FHIP1B: variants seen among roughly 807,000 people sequenced by gnomAD.
FHIP1B encodes FHF complex subunit HOOK interacting protein 1B, also known as FHF complex subunit HOOK-interacting protein 1B.
FHIP1B carries 28 observed loss-of-function variants against 82.2 expected under a neutral mutation model. The ratio of observed to expected loss-of-function variants is 0.34; its 90% CI spans 0.25 to 0.47. The LOEUF is 0.47. FHIP1B is among the 20% of genes least tolerant of loss of function. The pLI is 1.00. For missense variants in FHIP1B, 1,110 were observed against 1,262.6 expected (o/e 0.88, Z 1.83); for synonymous variants, 585 against 516.1 (o/e 1.13, Z -1.81).
chr11:6,217,842 A>G lies in FHIP1B; in HGVS notation c.1744T>C (p.Ser582Pro). 1 of 1,613,738 alleles carries G rather than the reference A, an allele frequency of 6.2e-7. No individual in the cohort carries two copies. The highest frequency in any genetic ancestry group is 8.5e-7 in the Non-Finnish European group (1 of 1,179,966). Residue 582 changes from serine (S) to proline (P), a missense_variant, in exon 9 of 12, where the codon TCT becomes CCT. Transcript: ENST00000449352. ...GAGCCAAAAGGACTGGGCTCAGGAG[A>G]GGGCCGCTCGCCATCATAGGGGGCA... ...WSAPYDGERP[S>P]PEPSPFGSRT...
intron 11 of FHIP1B, 38 bp from the exon 12 acceptor site, chr11:6,211,905 C>A: frequency 6.6e-7 from 1 of 1,514,816 alleles, no homozygotes; most frequent in Non-Finnish European, 8.8e-7. Flanking sequence ...GTGCTGGGAT[C>A]AGGGAACCTC....
At chr11:6,211,930 G>C in intron 11 of FHIP1B, 63 bp from the exon 12 acceptor site, 1 of 1,483,902 alleles carries the variant, frequency 6.7e-7, no homozygotes, top group Non-Finnish European at 8.9e-7. Context: ...GGACTGAGAG[G>C]GGAGATTCCC....
chr11:6,212,769 C>T (rs1847108648), intron 11 of FHIP1B, among the ~76,000 whole-genome samples: 1 of 152,200 alleles, frequency 6.6e-6, no homozygotes, highest in African/African-American at 2.4e-5. Flanking sequence ...CAATCAGGCT[C>T]ACACTCCTCC....
At chr11:6,229,940 C>A (rs1018665953) in intron 1 of FHIP1B, among the ~76,000 whole-genome samples, 1 of 151,786 alleles carries the variant, frequency 6.6e-6, no homozygotes, top group Non-Finnish European at 1.5e-5. Context: ...AAAATCACCA[C>A]CCTCTCATGG....
intron 9 of FHIP1B, chr11:6,217,006 C>T (rs78146646): frequency 2.4e-4 from 159 of 675,620 alleles, no homozygotes; most frequent in African/African-American, 2.0e-3. Flanking sequence ...ACAGCACATA[C>T]GTCTTCAATA....
At chr11:6,228,867 A>T (rs572621946) in intron 1 of FHIP1B, among the ~76,000 whole-genome samples, 1 of 152,344 alleles carries the variant, frequency 6.6e-6, no homozygotes, top group South Asian at 2.1e-4. Flanking sequence ...TATGGTCCCA[A>T]TTAGGCATGG....
At position 6,217,684 on chromosome 11, in the gene FHIP1B, C is replaced by T. The variant is rs151025846; in HGVS notation, c.1902G>A (p.Gln634=). 79 of 1,613,556 alleles carry T rather than the reference C, an allele frequency of 4.9e-5. No homozygotes were observed. In the African/African-American group the frequency reaches 6.1e-4, roughly 13 times the overall value. The change falls in exon 9 of 12, where the codon CAG becomes CAA. Residue 634 remains glutamine, a synonymous_variant. Transcript: ENST00000449352. ...GCCATGATCCTGGCACTCCATTGAG[C>T]TGGGGAGGGGGCAGGTGACCAGGGC... The part of the protein sequence containing the change: ...GEGPGHLPPP[Q]LNGVPGSWPE...
Position 6,217,828 on chromosome 11 carries a change from A to T in FHIP1B, c.1758T>A (p.Ser586Arg). Residue 586 changes from serine to arginine, a missense_variant, in exon 9 of 12, where the codon AGT (serine) becomes AGA (arginine). Physicochemically the swap from Ser to Arg is moderately radical, Grantham distance 110 (BLOSUM62 -1). This residue lies in a region of FHIP1B where 418 missense variants were observed against 371.4 expected (regional missense o/e 1.13). Transcript: ENST00000449352. ...GTTTCTTAGTCCGGGAGCCAAAAGG[A>T]CTGGGCTCAGGAGAGGGCCGCTCGC... ...YDGERPSPEP[S>R]PFGSRTKKRS... 3 of 1,613,448 alleles carry T rather than the reference A, an allele frequency of 1.9e-6. No homozygotes were observed. Among genetic ancestry groups the T allele is most frequent in the Non-Finnish European group, 1.7e-6 (2 of 1,179,806 alleles).
Position 6,218,638 on chromosome 11 carries a change from G to T in FHIP1B, c.1397C>A (p.Pro466His), listed in dbSNP as rs1019466784. ...GGCATGCTCTGGACGAGGTGGGCTG[G>T]GGGCGTGGTGCCGACAACAGCGTGG... The part of the protein sequence containing the change: ...LIPRCCRHHA[P>H]SPPRPEHASW... Residue 466 changes from proline to histidine, a missense_variant, in exon 8 of 12, where the codon CCC (proline) becomes CAC (histidine). Physicochemically the swap from Pro to His is moderately conservative, Grantham distance 77. Transcript: ENST00000449352. 1 of 1,614,072 alleles carries T rather than the reference G, an allele frequency of 6.2e-7. No individual in the cohort carries two copies. Among genetic ancestry groups the T allele is most frequent in the Non-Finnish European group, 8.5e-7 (1 of 1,180,046 alleles).
chr11:6,226,349 G>A (rs2133834366), intron 1 of FHIP1B, among the ~76,000 whole-genome samples: 1 of 152,246 alleles, frequency 6.6e-6, no homozygotes, highest in Non-Finnish European at 1.5e-5. Context: ...TAAAATACTG[G>A]GCACTGTTCT....
At chr11:6,218,822 G>A (rs1484948142) in intron 7 of FHIP1B, 59 bp from the exon 8 acceptor site, 15 of 1,584,772 alleles carry the variant, frequency 9.5e-6, no homozygotes, top group African/African-American at 1.3e-5. Context: ...ACAGGGCCTA[G>A]AGGAACATCA....
In FHIP1B at chr11:6,217,219, G is replaced by C. The variant is rs1185347904; in HGVS notation, c.2215+152C>G. 4 of 737,252 alleles carry C rather than the reference G, an allele frequency of 5.4e-6. No homozygotes were observed. In the Admixed American group the frequency reaches 8.0e-5, roughly 15 times the overall value. 45.7% of individuals were successfully genotyped at this position (737,252 alleles called of 1,614,324 possible). ...AGACACAGGGACACAAGTATGACAT[G>C]ACACGTATCTGGAAGTGATGCAAGC... On this transcript the variant is annotated intron_variant, in intron 9 of 11. Transcript: ENST00000449352.
rs1316152690 is a variant in FHIP1B at position 6,217,956 on chromosome 11, G to C, written c.1630C>G (p.Pro544Ala). ...PGRRPTPAEEPGELEDNYLEY... is the reference protein window; with the variant it reads ...PGRRPTPAEEAGELEDNYLEY... ...AGGTAATTGTCTTCCAGCTCTCCAGGCTCCTCTGCAGGGGTAGGCCGTCGG... is the reference window on the plus strand; with the variant it reads ...AGGTAATTGTCTTCCAGCTCTCCAGCCTCCTCTGCAGGGGTAGGCCGTCGG... Residue 544 changes from proline (P) to alanine (A), a missense_variant, in exon 9 of 12, where the codon CCT becomes GCT. By Grantham distance (27) the Pro-to-Ala change is conservative. Around this residue, in one of 6 missense-constraint regions of FHIP1B, gnomAD observed 418 missense variants for 371.4 expected, o/e 1.13. Transcript: ENST00000449352. The C allele has an allele frequency of 1.3e-5, 21 of 1,613,082 alleles. No individual in the cohort carries two copies. Among genetic ancestry groups the C allele is most frequent in the Non-Finnish European group, 1.7e-5 (20 of 1,180,018 alleles).
intron 1 of FHIP1B, among the ~76,000 whole-genome samples, chr11:6,228,947 A>G (rs1184857090): frequency 2.6e-5 from 4 of 152,228 alleles, no homozygotes; most frequent in Non-Finnish European, 5.9e-5. Context: ...CCCCTCTTAC[A>G]GTTATTAGCC....
chr11:6,226,175 T>C (rs1367461769), intron 1 of FHIP1B, among the ~76,000 whole-genome samples: 1 of 152,146 alleles, frequency 6.6e-6, no homozygotes, highest in Non-Finnish European at 1.5e-5. Context: ...ATATCTCCCT[T>C]CACCCAGATA....
At chr11:6,214,287 G>T in intron 11 of FHIP1B, 124 bp downstream of exon 11, 1 of 1,155,106 alleles carries the variant, frequency 8.7e-7, no homozygotes, top group Non-Finnish European at 1.2e-6. Context: ...CAAACATGAA[G>T]ACTCAATTTT....
At chr11:6,212,330 C>T (rs145347978) in intron 11 of FHIP1B, among the ~76,000 whole-genome samples, 323 of 152,330 alleles carry the variant, frequency 2.1e-3, no homozygotes, top group Middle Eastern at 0.014. Flanking sequence ...TCCCATCACC[C>T]TTCCGAACTA....
chr11:6,218,216 T>G (rs1287966896), intron 8 of FHIP1B, 66 bp from the exon 9 acceptor site: 1 of 1,512,520 alleles, frequency 6.6e-7, no homozygotes, highest in East Asian at 2.4e-5. Context: ...ATAAGACACC[T>G]CGGGAGACTA....
chr11:6,230,259 C>T (rs1336281583), intron 1 of FHIP1B, among the ~76,000 whole-genome samples: 2 of 152,158 alleles, frequency 1.3e-5, no homozygotes. Flanking sequence ...ACCTGCAACA[C>T]CTACATTGGA....
Sources: gnomAD v4.1 joint callset for allele counts (sites outside exome capture counted in the v4.1 genomes callset) on GRCh38, gnomAD v4.1.1 for gene constraint, gnomAD v4.1.1 regional missense constraint, MANE v1.5 for transcripts, NCBI Gene and HGNC (gene_info 2026-07-23, HGNC 2026-07-21) for gene names.